The following ETS1 variants were observed in gnomAD, a reference collection of about 807,000 sequenced individuals.
The protein encoded by ETS1 is protein C-ets-1.
ETS1 carries 15 observed loss-of-function variants against 58.6 expected under a neutral mutation model. The ratio of observed to expected loss-of-function variants is 0.26; its 90% CI spans 0.17 to 0.39. The LOEUF is 0.39. ETS1 is among the 10% of genes least tolerant of loss of function. The pLI is 1.00. For missense variants in ETS1, 417 were observed against 610.5 expected (o/e 0.68, Z 3.34); for synonymous variants, 214 against 218.2 (o/e 0.98, Z 0.17).
intron 3 of ETS1, among the ~76,000 whole-genome samples, chr11:128,538,018 A>G (rs1863996025): frequency 6.6e-6 from 1 of 152,202 alleles, no homozygotes; most frequent in Non-Finnish European, 1.5e-5. Context: ...CAAATTGAAT[A>G]TATTCATTTT....
rs140532880 is a variant in ETS1, at chr11:128,579,821, A to G, written c.-14-6677T>C. On this transcript the variant is annotated intron_variant, in intron 1 of 9. Coordinates refer to ENST00000392668, the MANE Select transcript of ETS1 (RefSeq NM_001143820.2). ...TAGAGTTTTAATTTCTTTTTTCTGA[A>G]TACTATAGAAATGTATTTTTGAAGA... is the stretch of plus-strand genomic sequence containing the variant. 1.5e-3 allele frequency among the ~76,000 whole-genome samples: 230 copies of G among 152,264 alleles called. 2 individuals carry two copies. Among genetic ancestry groups the G allele is most frequent in the African/African-American group, 5.4e-3 (224 of 41,540 alleles).
At chr11:128,521,919 A>G in intron 3 of ETS1, 2 of 1,598,424 alleles carry the variant, frequency 1.3e-6, no homozygotes, top group Non-Finnish European at 1.7e-6. Flanking sequence ...TCACCCGGGG[A>G]GGGGAAAAGC....
intron 8 of ETS1, among the ~76,000 whole-genome samples, chr11:128,470,240 G>A (rs1462924226): frequency 6.6e-6 from 1 of 152,146 alleles, no homozygotes. Context: ...GAGGAGGAGT[G>A]TCAAAAAATT....
chr11:128,488,032 G>A (rs929738668), intron 5 of ETS1, among the ~76,000 whole-genome samples: 9 of 152,144 alleles, frequency 5.9e-5, no homozygotes, highest in African/African-American at 1.9e-4. Context: ...ATAAATGGAG[G>A]AAAACAGCCT....
intron 3 of ETS1, among the ~76,000 whole-genome samples, chr11:128,518,055 G>A (rs1710367759): frequency 6.6e-6 from 1 of 152,154 alleles, no homozygotes; most frequent in Non-Finnish European, 1.5e-5. Context: ...CTTGCCTCTA[G>A]ACTTGGTAGC....
At position 128,463,967 on chromosome 11, in the gene ETS1, C is replaced by T. The variant is rs1384328106; in HGVS notation, c.1124-340G>A. 1 of 166,526 alleles carries T rather than the reference C, an allele frequency of 6.0e-6. No individual in the cohort carries two copies. The highest frequency in any genetic ancestry group is 1.7e-4 in the East Asian group (1 of 5,826). 10.3% of individuals were successfully genotyped at this position (166,526 alleles called of 1,614,324 possible). A position where few individuals can be genotyped will look rare whatever the true frequency, so the allele number is the denominator to read the frequency against. On this transcript the variant is annotated intron_variant, in intron 8 of 9. Transcript: ENST00000392668. This position sits in a 1 kb window ranked among gnomAD's most constrained non-coding sequence, Gnocchi z 4.1. ...TCTAAGGCAGCATAATCTTTTACAC[C>T]TGCAAAAACTAAGTCATTATTTTTG...
chr11:128,583,090 A>G (rs1012701697), intron 1 of ETS1, among the ~76,000 whole-genome samples: 9 of 152,196 alleles, frequency 5.9e-5, no homozygotes, highest in African/African-American at 2.2e-4. Flanking sequence ...CTGGCCAGAC[A>G]TTCCACATTT....
intron 8 of ETS1, among the ~76,000 whole-genome samples, chr11:128,467,617 C>T (rs991905836): frequency 1.3e-5 from 2 of 152,040 alleles, no homozygotes; most frequent in Non-Finnish European, 2.9e-5. Context: ...GACCTTTGTC[C>T]CCTAGAGCAG....
intron 1 of ETS1, among the ~76,000 whole-genome samples, chr11:128,582,720 G>T (rs1383241323): frequency 1.3e-5 from 2 of 152,028 alleles, no homozygotes; most frequent in Admixed American, 1.3e-4. Context: ...TAGTCTGTTT[G>T]TACCATTGTT....
In ETS1 at chr11:128,480,662, C is replaced by T. The variant is rs570236666; in HGVS notation, c.863-211G>A. Among the ~76,000 whole-genome samples the T allele has an allele frequency of 2.5e-4, 38 of 152,242 alleles. 1 individual carries two copies. The highest frequency in any genetic ancestry group is 2.8e-4 in the Non-Finnish European group (19 of 68,022). ...CACTAGGCCACCATCCGAGGGTCCA[C>T]GGCCACTCTGCTGCCTGGTTTGAGA... is the stretch of plus-strand genomic sequence containing the variant. On this transcript the variant is annotated intron_variant, in intron 7 of 9. Transcript: ENST00000392668.
chr11:128,564,592 G>C (rs991883247), intron 2 of ETS1, among the ~76,000 whole-genome samples: 1 of 152,216 alleles, frequency 6.6e-6, no homozygotes, highest in Non-Finnish European at 1.5e-5. Flanking sequence ...GCTGAAACAG[G>C]CTGAAGGACG....
chr11:128,580,174 A>G (rs11221361), intron 1 of ETS1, among the ~76,000 whole-genome samples: 1 of 92,892 alleles, frequency 1.1e-5, no homozygotes, highest in Admixed American at 1.3e-4. Context: ...TCGTTTGGAC[A>G]TTAAAAAAAA....
At chr11:128,484,060 T>A (rs1345177164) in intron 7 of ETS1, among the ~76,000 whole-genome samples, 2 of 152,244 alleles carry the variant, frequency 1.3e-5, no homozygotes, top group Non-Finnish European at 2.9e-5. Context: ...TACCTCTGAG[T>A]GTTTATGTCC....
chr11:128,513,498 A>G (rs1863442784), intron 3 of ETS1, among the ~76,000 whole-genome samples: 1 of 152,248 alleles, frequency 6.6e-6, no homozygotes, highest in South Asian at 2.1e-4. Flanking sequence ...TTTATTTCAT[A>G]CACAATATTT....
At position 128,460,706 on chromosome 11, in the gene ETS1, T is replaced by C. The variant is rs1324298827; in HGVS notation, c.*1655A>G. 1 of 152,360 alleles carries C rather than the reference T, an allele frequency of 6.6e-6. No homozygotes were observed. The highest frequency in any genetic ancestry group is 2.1e-4 in the South Asian group (1 of 4,832). 9.4% of individuals were successfully genotyped at this position (152,360 alleles called of 1,614,324 possible). A position where few individuals can be genotyped will look rare whatever the true frequency, so the allele number is the denominator to read the frequency against. On this transcript the variant is annotated 3_prime_UTR_variant, in exon 10 of 10. Coordinates refer to ENST00000392668, the MANE Select transcript of ETS1 (RefSeq NM_001143820.2). ...CACAACCAGCAGAAAGATGACTACC[T>C]TGCTTGACTATGTTTGTATTTAAAC...
rs1365152319 is a variant in ETS1 at position 128,489,592 on chromosome 11, A to T, written c.335-102T>A. Reference sequence around the variant, plus strand: ...GGAGCTGAATTTAGCTGAGAATGCTATCTTTATTCATCGAATGAGGAAGCA... The same window carrying T: ...GGAGCTGAATTTAGCTGAGAATGCTTTCTTTATTCATCGAATGAGGAAGCA... On this transcript the variant is annotated intron_variant, in intron 4 of 9. Coordinates refer to ENST00000392668, the MANE Select transcript of ETS1 (RefSeq NM_001143820.2). The T allele has an allele frequency of 5.8e-6, 5 of 862,102 alleles. No individual in the cohort carries two copies. In the African/African-American group the frequency reaches 8.3e-5, roughly 14 times the overall value. The allele number at this position is 862,102 out of a possible 1,614,324, so 53.4% of individuals were successfully genotyped here. A position where few individuals can be genotyped will look rare whatever the true frequency, so the allele number is the denominator to read the frequency against.
At chr11:128,471,333 T>C (rs1274740220) in intron 8 of ETS1, among the ~76,000 whole-genome samples, 2 of 152,254 alleles carry the variant, frequency 1.3e-5, no homozygotes, top group Admixed American at 6.5e-5. Flanking sequence ...ACAAGACAGT[T>C]ACACATTTTT....
At chr11:128,497,515 CCCAAAA>C (rs1487663412) in intron 3 of ETS1, 1 of 838,054 alleles carries the variant, frequency 1.2e-6, no homozygotes, top group African/African-American at 1.8e-5. Context: ...TGCCCCATCC[CCCAAAA>C]GGAGTTTTAA....
At chr11:128,556,190 C>T in intron 3 of ETS1, 101 bp downstream of exon 3, 2 of 1,050,620 alleles carry the variant, frequency 1.9e-6, no homozygotes, top group South Asian at 3.4e-5. Context: ...TCTGTACCCG[C>T]ATAAGCCATG....
Sources: gnomAD v4.1 joint callset for allele counts (sites outside exome capture counted in the v4.1 genomes callset) on GRCh38, gnomAD v4.1.1 for gene constraint, Gnocchi (gnomAD v3.1) non-coding constraint, MANE v1.5 for transcripts, NCBI Gene and HGNC (gene_info 2026-07-23, HGNC 2026-07-21) for gene names.